VWA5A: variants seen among roughly 807,000 people sequenced by gnomAD.
VWA5A encodes the protein von Willebrand factor A domain containing 5A, also known as von Willebrand factor A domain-containing protein 5A.
In VWA5A, 77 loss-of-function variants were observed where a neutral mutation model predicts 84.6. The observed-to-expected ratio is 0.91, with a 90% CI of 0.76 to 1.10. The LOEUF (loss-of-function observed/expected upper bound fraction) is 1.10, where lower values mean the gene tolerates loss of function less well. Ranked by LOEUF, VWA5A falls within the 50% of genes least tolerant of loss-of-function variation. The pLI is 0.00. For missense variants in VWA5A, 973 were observed against 963.0 expected, an observed-to-expected ratio of 1.01 and a Z score of -0.14; for synonymous variants, 334 against 350.1, an observed-to-expected ratio of 0.95 and a Z score of 0.51.
At chr11:124,125,988 AG>A (rs1214419281) in intron 11 of VWA5A, among the ~76,000 whole-genome samples, 13 of 152,310 alleles carry the variant, frequency 8.5e-5, no homozygotes, top group African/African-American at 3.1e-4. Context: ...TTTATGGAAA[AG>A]TTTGTCCTTT....
chr11:124,136,652 C>G lies in VWA5A; in HGVS notation c.1603C>G (p.Leu535Val). Residue 535 changes from leucine (L) to valine (V), a missense_variant, in exon 14 of 19, where the codon CTA (leucine) becomes GTA (valine). Leu to Val is a conservative substitution (Grantham distance 32). Transcript: ENST00000456829. The part of the protein sequence containing the change: ...KTFEDKVTFP[L>V]QPKPDVNLTI... ...TTTTGAGGATAAGGTGACATTTCCTCTACAACCCAAGCCTGATGTCAAGTG... is the reference window on the plus strand; with the variant it reads ...TTTTGAGGATAAGGTGACATTTCCTGTACAACCCAAGCCTGATGTCAAGTG... 1.2e-6 allele frequency: 2 copies of G among 1,614,090 alleles called. No individual in the cohort carries two copies. The highest frequency in any genetic ancestry group is 2.2e-5 in the East Asian group (1 of 44,862).
Position 124,124,250 on chromosome 11 carries a change from C to T in VWA5A, c.1178C>T (p.Thr393Ile), listed in dbSNP as rs773149838. The change falls in exon 11 of 19, where the codon ACA becomes ATA. Residue 393 changes from threonine (T) to isoleucine (I), a missense_variant. Thr to Ile is a moderately conservative substitution (Grantham distance 89). Transcript: ENST00000456829. ...TTCTTTGTATAGCTTTTTGTCTTTA[C>T]AGATGGAGAAGTTACAGACACGTTT... is the stretch of plus-strand genomic sequence containing the variant. Reference protein sequence around the residue: ...PGHPLQLFVFTDGEVTDTFSV... With the variant: ...PGHPLQLFVFIDGEVTDTFSV... 3 of 1,613,602 alleles carry T rather than the reference C, an allele frequency of 1.9e-6. No individual in the cohort carries two copies. Among genetic ancestry groups the T allele is most frequent in the Admixed American group, 1.7e-5 (1 of 59,932 alleles).
At chr11:124,123,234 C>T in intron 8 of VWA5A, 105 bp downstream of exon 8, 1 of 1,526,144 alleles carries the variant, frequency 6.6e-7, no homozygotes, top group South Asian at 1.3e-5. Context: ...GCACGACCAC[C>T]CTGAGGCTAG....
chr11:124,134,838 T>A lies in VWA5A; in HGVS notation c.1245-82T>A, dbSNP rs546272433. 3 of 953,092 alleles carry A rather than the reference T, an allele frequency of 3.1e-6. No individual in the cohort carries two copies. In the East Asian group the frequency reaches 8.1e-5, roughly 26 times the overall value. The allele number at this position is 953,092 out of a possible 1,614,324, so 59.0% of individuals were successfully genotyped here. Reference sequence around the variant, plus strand: ...GTCAAGAAAGTAGACTATTTCCTTATGTATTTTTGGCCATTATGTATTAAT... The same window carrying A: ...GTCAAGAAAGTAGACTATTTCCTTAAGTATTTTTGGCCATTATGTATTAAT... On this transcript the variant is annotated intron_variant, in intron 11 of 18. Transcript: ENST00000456829.
At position 124,147,272 on chromosome 11, in the gene VWA5A, C is replaced by T. The variant is rs1236277742; in HGVS notation, c.*1327C>T. 2 of 152,192 alleles carry T rather than the reference C, an allele frequency of 1.3e-5. No individual in the cohort carries two copies. Among genetic ancestry groups the T allele is most frequent in the Non-Finnish European group, 2.9e-5 (2 of 68,034 alleles). The allele number at this position is 152,192 out of a possible 1,614,324, so 9.4% of individuals were successfully genotyped here. A position where few individuals can be genotyped will look rare whatever the true frequency, so the allele number is the denominator to read the frequency against. ...ACCACTGTAGAATCCTGACCATACC[C>T]TTAAATAGTTATGTGATGATGGGCA... On this transcript the variant is annotated 3_prime_UTR_variant, in exon 19 of 19. Coordinates refer to ENST00000456829, the MANE Select transcript of VWA5A (RefSeq NM_001130142.2).
At chr11:124,118,917 C>A in intron 6 of VWA5A, 58 bp from the exon 7 acceptor site, 1 of 1,549,398 alleles carries the variant, frequency 6.5e-7, no homozygotes, top group Non-Finnish European at 8.8e-7. Context: ...CTAACCTCAG[C>A]CCCAAGAAGC....
intron 15 of VWA5A, 114 bp downstream of exon 15, chr11:124,137,382 T>C: frequency 7.4e-7 from 1 of 1,356,902 alleles, no homozygotes; most frequent in Non-Finnish European, 9.9e-7. Flanking sequence ...GTTTTCCTTA[T>C]ACCTCCACAT....
chr11:124,136,029 T>A, intron 12 of VWA5A, 100 bp from the exon 13 acceptor site: 1 of 1,321,060 alleles, frequency 7.6e-7, no homozygotes, highest in Non-Finnish European at 1.1e-6. Context: ...AGGCATGACA[T>A]GTATTATGTA....
chr11:124,144,055 A>G (rs966373464), intron 17 of VWA5A, among the ~76,000 whole-genome samples: 7 of 152,192 alleles, frequency 4.6e-5, no homozygotes, highest in African/African-American at 1.4e-4. Flanking sequence ...CACAGTTTCA[A>G]TGAAGATTTA....
chr11:124,121,426 T>G (rs1210887016), intron 7 of VWA5A, among the ~76,000 whole-genome samples: 1 of 152,190 alleles, frequency 6.6e-6, no homozygotes, highest in African/African-American at 2.4e-5. Context: ...AGGACAGCTT[T>G]GAATGCAGAC....
intron 11 of VWA5A, among the ~76,000 whole-genome samples, chr11:124,134,571 TGC>T (rs1270509411): frequency 6.6e-6 from 1 of 152,164 alleles, no homozygotes; most frequent in Non-Finnish European, 1.5e-5. Context: ...TCTGTTAGTT[TGC>T]CAGAGAGATC....
chr11:124,145,216 A>C (rs766421848), intron 17 of VWA5A, 21 bp from the exon 18 acceptor site: 5 of 1,594,482 alleles, frequency 3.1e-6, no homozygotes, highest in Non-Finnish European at 4.3e-6. Flanking sequence ...TGCCAACTGG[A>C]GCTCTCTATC....
intron 1 of VWA5A, chr11:124,115,689 G>T (rs1864816311): frequency 6.6e-6 from 1 of 152,210 alleles, no homozygotes; most frequent in African/African-American, 2.4e-5. Flanking sequence ...TCTTTTGGAG[G>T]TTGAAGGAGG....
intron 13 of VWA5A, 50 bp downstream of exon 13, chr11:124,136,343 C>A: frequency 6.3e-7 from 1 of 1,584,860 alleles, no homozygotes; most frequent in Non-Finnish European, 8.6e-7. Flanking sequence ...TACCACATGA[C>A]CATTCCACTA....
rs888560025 is a variant in VWA5A, at chr11:124,116,634, T to C, written c.-62T>C. ...CGTAGAAGCCCTTTTCTGAGCATCC[T>C]CTCCTCTCCTCACACCTGCCACTGT... On this transcript the variant is annotated 5_prime_UTR_variant, in exon 2 of 19. Transcript: ENST00000456829. 6.6e-6 allele frequency: 1 copy of C among 152,190 alleles called. No individual in the cohort carries two copies. Among genetic ancestry groups the C allele is most frequent in the Non-Finnish European group, 1.5e-5 (1 of 68,058 alleles). The allele number at this position is 152,190 out of a possible 1,614,324, so 9.4% of individuals were successfully genotyped here.
chr11:124,120,911 A>G (rs1486938818), intron 7 of VWA5A, among the ~76,000 whole-genome samples: 2 of 152,188 alleles, frequency 1.3e-5, no homozygotes, highest in Non-Finnish European at 2.9e-5. Flanking sequence ...CCTGGCCCCT[A>G]TGCAGATTTT....
Position 124,146,026 on chromosome 11 carries a change from C to T in VWA5A, c.*81C>T. 1 of 1,431,824 alleles carries T rather than the reference C, an allele frequency of 7.0e-7. No individual in the cohort carries two copies. Among genetic ancestry groups the T allele is most frequent in the Non-Finnish European group, 9.5e-7 (1 of 1,047,334 alleles). 88.7% of individuals were successfully genotyped at this position (1,431,824 alleles called of 1,614,324 possible). On this transcript the variant is annotated 3_prime_UTR_variant, in exon 19 of 19. Transcript: ENST00000456829. ...ATCACTTTTGCTGTGATGATGTGTTCTTGTGTATTATAACTCTTTATTTTT... is the reference window on the plus strand; with the variant it reads ...ATCACTTTTGCTGTGATGATGTGTTTTTGTGTATTATAACTCTTTATTTTT...
rs575249197 is a variant in VWA5A, at chr11:124,118,028, T to C, written c.246+153T>C. 1.1e-4 allele frequency: 148 copies of C among 1,298,486 alleles called. No homozygotes were observed. The African/African-American group carries it at 2.0e-3, about 17-fold the overall frequency. 80.4% of individuals were successfully genotyped at this position (1,298,486 alleles called of 1,614,324 possible). On this transcript the variant is annotated intron_variant, in intron 4 of 18. Coordinates refer to ENST00000456829, the MANE Select transcript of VWA5A (RefSeq NM_001130142.2). Reference sequence around the variant, plus strand: ...TCCACTCTTTTCTAACTGCCATTTTTCTAAAATCATTTGGGGAAAGAAATC... The same window carrying C: ...TCCACTCTTTTCTAACTGCCATTTTCCTAAAATCATTTGGGGAAAGAAATC...
At chr11:124,128,305 C>T (rs1170388798) in intron 11 of VWA5A, among the ~76,000 whole-genome samples, 1 of 152,110 alleles carries the variant, frequency 6.6e-6, no homozygotes, top group African/African-American at 2.4e-5. Flanking sequence ...TCAGGTTTGT[C>T]AAAGATTAGA....
Sources: gnomAD v4.1 joint callset for allele counts (sites outside exome capture counted in the v4.1 genomes callset) on GRCh38, gnomAD v4.1.1 for gene constraint, MANE v1.5 for transcripts, NCBI Gene and HGNC (gene_info 2026-07-23, HGNC 2026-07-21) for gene names.